The following SALL2 variants were observed in gnomAD, a reference collection of about 807,000 sequenced individuals.
The protein encoded by SALL2 is sal-like protein 2.
SALL2 carries 32 observed loss-of-function variants against 58.5 expected under a neutral mutation model. The observed-to-expected ratio is 0.55, with a 90% CI of 0.41 to 0.74. The LOEUF is 0.74. Among genes scored for constraint, SALL2 ranks in the 30% least tolerant of loss-of-function variants. The probability of loss-of-function intolerance (pLI) is 0.00; values close to 1 mark genes in which losing one functional copy is unlikely to be tolerated. For missense variants in SALL2, 1,201 were observed against 1,268.9 expected, an observed-to-expected ratio of 0.95 and a Z score of 0.81; for synonymous variants, 516 against 513.6, an observed-to-expected ratio of 1.00 and a Z score of -0.06.
upstream of SALL2, chr14:21,526,502 A>G: frequency 1.7e-6 from 2 of 1,206,562 alleles, no homozygotes; most frequent in Middle Eastern, 3.5e-4. Context: ...AGGTGCTGTG[A>G]AGCACTGCGG....
upstream of SALL2, among the ~76,000 whole-genome samples, chr14:21,526,810 T>C (rs973006005): frequency 1.3e-5 from 2 of 151,918 alleles, no homozygotes; most frequent in African/African-American, 4.8e-5. Flanking sequence ...CCCCAAAATA[T>C]TCGAAGTTTT....
rs1235941702 is a variant in SALL2, at chr14:21,526,140, A to C, written c.-13T>G. ...ATTCGTGCGCCATGGTTGTGGGGGAAGTGGAGGGCCAGGTGGGGTGGGAGA... is the reference window on the plus strand; with the variant it reads ...ATTCGTGCGCCATGGTTGTGGGGGACGTGGAGGGCCAGGTGGGGTGGGAGA... On this transcript the variant is annotated 5_prime_UTR_variant, in exon 1 of 2. Coordinates refer to ENST00000537235, the MANE Select transcript of SALL2 (RefSeq NM_001364564.1). The C allele has an allele frequency of 1.9e-6, 3 of 1,540,038 alleles. No individual in the cohort carries two copies. The highest frequency in any genetic ancestry group is 2.6e-6 in the Non-Finnish European group (3 of 1,149,352).
chr14:21,523,159 T>C lies in SALL2; in HGVS notation c.2563A>G (p.Ser855Gly). Residue 855 changes from serine to glycine, a missense_variant, in exon 2 of 2, where the codon AGT becomes GGT. By Grantham distance (56) the Ser-to-Gly change is moderately conservative (BLOSUM62 0). Coordinates refer to ENST00000537235, the MANE Select transcript of SALL2 (RefSeq NM_001364564.1). The surrounding 1 kb of genome is among the most constrained non-coding windows in gnomAD (Gnocchi z 4.4). The part of the protein sequence containing the change: ...DQPQPMEQGS[S>G]GVLGGKEEGG... ...TCTTCCTTGCCTCCTAAAACACCACTGCTTCCCTGCTCCATTGGCTGAGGC... is the reference window on the plus strand; with the variant it reads ...TCTTCCTTGCCTCCTAAAACACCACCGCTTCCCTGCTCCATTGGCTGAGGC... 6.2e-7 allele frequency: 1 copy of C among 1,614,146 alleles called. No homozygotes were observed. Among genetic ancestry groups the C allele is most frequent in the South Asian group, 1.1e-5 (1 of 91,076 alleles).
chr14:21,532,807 T>C (rs1270323002), intron 1 of SALL2, among the ~76,000 whole-genome samples: 1 of 145,058 alleles, frequency 6.9e-6, no homozygotes, highest in Non-Finnish European at 1.5e-5. Context: ...ACTGAAAATA[T>C]AAAAAATTAG....
At position 21,523,596 on chromosome 14, in the gene SALL2, C is replaced by T. The variant is rs764828751; in HGVS notation, c.2126G>A (p.Arg709Gln). 11 of 1,614,092 alleles carry T rather than the reference C, an allele frequency of 6.8e-6. No individual in the cohort carries two copies. The highest frequency in any genetic ancestry group is 2.2e-5 in the East Asian group (1 of 44,896). ...GGGGATCTGGCCCCCCAGGTGCATC[C>T]GGACATGCTGCTGCAGAGTGACAGC... ...TNAVTLQQHV[R>Q]MHLGGQIPNG... Residue 709 changes from arginine to glutamine, a missense_variant, in exon 2 of 2, where the codon CGG becomes CAG. Coordinates refer to ENST00000537235, the MANE Select transcript of SALL2 (RefSeq NM_001364564.1). This position sits in a 1 kb window ranked among gnomAD's most constrained non-coding sequence, Gnocchi z 4.4.
Position 21,525,593 on chromosome 14 carries a change from G to C in SALL2, c.129C>G (p.Asp43Glu), listed in dbSNP as rs1385031900. Reference sequence around the variant, plus strand: ...TCTGGTGGGCGAGGAATTCAGTTGGGTCAGTGAATTGTGCGCAGCACTTGG... The same window carrying C: ...TCTGGTGGGCGAGGAATTCAGTTGGCTCAGTGAATTGTGCGCAGCACTTGG... ...VCAKCCAQFT[D>E]PTEFLAHQNA... Residue 43 changes from aspartate (D) to glutamate (E), a missense_variant, in exon 2 of 2, where the codon GAC (aspartate) becomes GAG (glutamate). Around this residue, in one of 3 missense-constraint regions of SALL2, gnomAD observed 467 missense variants for 468.9 expected, o/e 1.00. Coordinates refer to ENST00000537235, the MANE Select transcript of SALL2 (RefSeq NM_001364564.1). This position sits in a 1 kb window ranked among gnomAD's most constrained non-coding sequence, Gnocchi z 4.4. The C allele has an allele frequency of 3.7e-6, 6 of 1,611,572 alleles. No individual in the cohort carries two copies. The highest frequency in any genetic ancestry group is 1.7e-4 in the Middle Eastern group (1 of 6,058).
At chr14:21,536,801 C>T in intron 1 of SALL2, 1 of 1,536,990 alleles carries the variant, frequency 6.5e-7, no homozygotes, top group South Asian at 1.1e-5. Context: ...CTGGCCTGAC[C>T]CACACAGGCT....
chr14:21,527,013 G>A (rs905923981), upstream of SALL2, among the ~76,000 whole-genome samples: 1 of 151,788 alleles, frequency 6.6e-6, no homozygotes, highest in Non-Finnish European at 1.5e-5. Flanking sequence ...TCCGCAGATC[G>A]CCCAGCCTAC....
chr14:21,532,912 A>C (rs1370840571), intron 1 of SALL2, among the ~76,000 whole-genome samples: 1 of 151,518 alleles, frequency 6.6e-6, no homozygotes, highest in Non-Finnish European at 1.5e-5. Context: ...GCAGTGAGCC[A>C]AGATCGCGCC....
At chr14:21,526,587 C>T (rs1297193033), upstream of SALL2, 1 of 848,328 alleles carries the variant, frequency 1.2e-6, no homozygotes, top group South Asian at 3.7e-5. Context: ...CCTCCTCCCC[C>T]CGCCCTCCCC....
chr14:21,535,307 T>G (rs556827772), intron 1 of SALL2, among the ~76,000 whole-genome samples: 2 of 143,820 alleles, frequency 1.4e-5, no homozygotes, highest in South Asian at 2.1e-4. Flanking sequence ...ATTGCACCAC[T>G]GCACTCCAAC....
At position 21,525,281 on chromosome 14, in the gene SALL2, T is replaced by C; in HGVS notation, c.441A>G (p.Ala147=). The part of the protein sequence containing the change: ...GLILASPKLG[A]TPLPPESTPA... ...GGGTCGATTCTGGAGGTAATGGGGTTGCTCCCAGCTTGGGACTGGCCAAGA... is the reference window on the plus strand; with the variant it reads ...GGGTCGATTCTGGAGGTAATGGGGTCGCTCCCAGCTTGGGACTGGCCAAGA... Residue 147 remains alanine (A), a synonymous_variant, in exon 2 of 2, where the codon GCA becomes GCG. Coordinates refer to ENST00000537235, the MANE Select transcript of SALL2 (RefSeq NM_001364564.1). The surrounding 1 kb of genome is among the most constrained non-coding windows in gnomAD (Gnocchi z 4.4). 1 of 1,612,172 alleles carries C rather than the reference T, an allele frequency of 6.2e-7. No individual in the cohort carries two copies. Among genetic ancestry groups the C allele is most frequent in the Non-Finnish European group, 8.5e-7 (1 of 1,178,956 alleles).
In SALL2 at chr14:21,522,153, G is replaced by A. The variant is rs777128758; in HGVS notation, c.*551C>T. ...CACAGTTCCTAGGCCAAACAGCACT[G>A]GTGGGGCCAGGCTTGGAGTGGTAGT... On this transcript the variant is annotated 3_prime_UTR_variant, in exon 2 of 2. Transcript: ENST00000537235. The A allele has an allele frequency of 3.8e-6, 6 of 1,597,898 alleles. No individual in the cohort carries two copies. In the African/African-American group the frequency reaches 6.7e-5, roughly 18 times the overall value.
intron 1 of SALL2, 32 bp downstream of exon 1, chr14:21,526,029 A>G: frequency 3.3e-6 from 2 of 601,754 alleles, no homozygotes; most frequent in Non-Finnish European, 5.6e-6. Context: ...CTCCGCCCCC[A>G]CCCCTGCCCA....
upstream of SALL2, chr14:21,526,558 T>C (rs1892322078): frequency 9.3e-7 from 1 of 1,074,960 alleles, no homozygotes; most frequent in Non-Finnish European, 1.1e-6. Flanking sequence ...CATCTGCAGA[T>C]GCCTTTGCCC....
At chr14:21,535,332 G>C (rs1195522560) in intron 1 of SALL2, among the ~76,000 whole-genome samples, 2 of 141,804 alleles carry the variant, frequency 1.4e-5, no homozygotes, top group Non-Finnish European at 1.5e-5. Flanking sequence ...GCGACAGAGC[G>C]AGACTCTCTC....
chr14:21,521,941 A>G lies in SALL2; in HGVS notation c.*763T>C, dbSNP rs1336836637. ...CCTACTTCCTAGGGTTGGGTCACCAATTACTGGAGCATCTTCAGTACCGGC... is the reference window on the plus strand; with the variant it reads ...CCTACTTCCTAGGGTTGGGTCACCAGTTACTGGAGCATCTTCAGTACCGGC... On this transcript the variant is annotated 3_prime_UTR_variant, in exon 2 of 2. Coordinates refer to ENST00000537235, the MANE Select transcript of SALL2 (RefSeq NM_001364564.1). 29 of 1,485,074 alleles carry G rather than the reference A, an allele frequency of 2.0e-5. No individual in the cohort carries two copies. Among genetic ancestry groups the G allele is most frequent in the Non-Finnish European group, 2.5e-5 (28 of 1,115,382 alleles). The allele number at this position is 1,485,074 out of a possible 1,614,324, so 92.0% of individuals were successfully genotyped here.
At chr14:21,535,049 T>C (rs1406050409) in intron 1 of SALL2, among the ~76,000 whole-genome samples, 2 of 152,074 alleles carry the variant, frequency 1.3e-5, no homozygotes, top group Non-Finnish European at 2.9e-5. Context: ...ACACGTCTCA[T>C]AAAGAAATGC....
intron 1 of SALL2, among the ~76,000 whole-genome samples, chr14:21,532,595 G>A (rs941680965): frequency 2.6e-5 from 4 of 151,836 alleles, no homozygotes; most frequent in East Asian, 3.9e-4. Context: ...GAGCCGAGAC[G>A]TGCCACTGCA....
Sources: allele counts gnomAD v4.1 joint callset (sites outside exome capture counted in the v4.1 genomes callset), GRCh38; gene constraint gnomAD v4.1.1; regional missense constraint gnomAD v4.1.1; non-coding constraint Gnocchi (gnomAD v3.1); transcripts MANE v1.5; gene names NCBI Gene and HGNC (gene_info 2026-07-23, HGNC 2026-07-21).